DAB1: variants seen among roughly 807,000 people sequenced by gnomAD.
DAB1 encodes the protein disabled homolog 1.
Under a neutral mutation model 64.6 loss-of-function variants are expected in DAB1, and 15 were observed. That is an observed-to-expected ratio of 0.23 (90% CI 0.16 to 0.36). The LOEUF (loss-of-function observed/expected upper bound fraction) is 0.36. Among genes scored for constraint, DAB1 ranks in the 10% least tolerant of loss-of-function variants. DAB1 has a pLI of 1.00. For missense variants in DAB1, 596 were observed against 706.7 expected (o/e 0.84, Z 1.78); for synonymous variants, 235 against 251.9 (o/e 0.93, Z 0.64).
chr1:57,109,319 G>T (rs1655446476), intron 4 of DAB1, among the ~76,000 whole-genome samples: 1 of 152,154 alleles, frequency 6.6e-6, no homozygotes, highest in African/African-American at 2.4e-5. Flanking sequence ...CCCAATTTAT[G>T]ACATGAGTTT....
intron 5 of DAB1, among the ~76,000 whole-genome samples, chr1:57,951,047 G>T (rs769476984): frequency 6.6e-6 from 1 of 152,212 alleles, no homozygotes; most frequent in East Asian, 1.9e-4. Flanking sequence ...ACGCTACTCT[G>T]ATCAGGAGAG....
intron 7 of DAB1, among the ~76,000 whole-genome samples, chr1:57,454,149 G>GT (rs1235055896): frequency 6.6e-6 from 1 of 152,116 alleles, no homozygotes; most frequent in Non-Finnish European, 1.5e-5. Flanking sequence ...ATGACTTATA[G>GT]TGAATGCGGT....
At chr1:57,565,052 C>T (rs1004864544) in intron 7 of DAB1, among the ~76,000 whole-genome samples, 54 of 152,116 alleles carry the variant, frequency 3.5e-4, no homozygotes, top group South Asian at 4.1e-4. Context: ...AAAGGGAAGC[C>T]CATCAGACTA....
chr1:57,023,171 C>G (rs2100377194), intron 11 of DAB1, among the ~76,000 whole-genome samples: 1 of 152,320 alleles, frequency 6.6e-6, no homozygotes, highest in Middle Eastern at 3.4e-3. Flanking sequence ...CTATAGAAAG[C>G]TGACTCCGTG....
intron 3 of DAB1, among the ~76,000 whole-genome samples, chr1:57,143,914 A>ATATGTATATGTATATATATATGTT (rs1286847022): frequency 2.0e-5 from 3 of 151,270 alleles, no homozygotes; most frequent in Non-Finnish European, 4.4e-5. Flanking sequence ...ATGTTTATGT[A>ATATGTATATGTATATATATATGTT]TATGTATATG....
chr1:57,717,878 A>G (rs1468486794), intron 6 of DAB1, among the ~76,000 whole-genome samples: 1 of 152,158 alleles, frequency 6.6e-6, no homozygotes, highest in East Asian at 1.9e-4. Flanking sequence ...ATGCAAAGAA[A>G]GACAAAAATC....
chr1:57,932,581 G>A (rs1386207264), intron 5 of DAB1, among the ~76,000 whole-genome samples: 1 of 151,714 alleles, frequency 6.6e-6, no homozygotes, highest in Non-Finnish European at 1.5e-5. Flanking sequence ...TCTATTTGAA[G>A]TTCTATCAGT....
chr1:57,377,676 A>G (rs1432618282), intron 1 of DAB1, among the ~76,000 whole-genome samples: 1 of 152,164 alleles, frequency 6.6e-6, no homozygotes, highest in Non-Finnish European at 1.5e-5. Flanking sequence ...TAATTACTAC[A>G]TGTCACCTAA....
intron 7 of DAB1, among the ~76,000 whole-genome samples, chr1:57,462,538 T>C (rs758549516): frequency 1.1e-4 from 16 of 152,206 alleles, no homozygotes; most frequent in Non-Finnish European, 1.8e-4. Context: ...TCTTCAAACA[T>C]TGACCTAAGA....
chr1:58,130,667 T>G (rs568630555), intron 5 of DAB1, among the ~76,000 whole-genome samples: 116 of 151,804 alleles, frequency 7.6e-4, no homozygotes, highest in African/African-American at 2.5e-3. Context: ...TGACAAAATC[T>G]CTCAGCATTT....
intron 1 of DAB1, among the ~76,000 whole-genome samples, chr1:57,855,977 A>T (rs542285389): frequency 5.0e-4 from 76 of 152,334 alleles, no homozygotes; most frequent in Admixed American, 4.8e-3. Flanking sequence ...AAGAATCAGA[A>T]TATATTCTAA....
intron 1 of DAB1, among the ~76,000 whole-genome samples, chr1:57,310,252 C>A (rs75735484): frequency 2.6e-5 from 4 of 152,008 alleles, no homozygotes; most frequent in African/African-American, 9.7e-5. Context: ...AAAGGCCATA[C>A]GGAGATGACA....
intron 8 of DAB1, 104 bp downstream of exon 8, chr1:57,069,256 C>T: frequency 1.1e-6 from 1 of 931,036 alleles, no homozygotes; most frequent in Non-Finnish European, 1.7e-6. Flanking sequence ...GGTATTTTAA[C>T]AAGCCAGGAA....
intron 5 of DAB1, among the ~76,000 whole-genome samples, chr1:58,142,356 A>C (rs1279505378): frequency 3.3e-5 from 5 of 152,240 alleles, no homozygotes; most frequent in Non-Finnish European, 7.3e-5. Flanking sequence ...GATTTTTAAA[A>C]AGAGGGTTTC....
intron 4 of DAB1, among the ~76,000 whole-genome samples, chr1:57,121,085 G>A (rs1432703782): frequency 6.7e-6 from 1 of 149,336 alleles, no homozygotes; most frequent in East Asian, 2.0e-4. Flanking sequence ...GGAGAAGAAT[G>A]TCCTAAGCAG....
chr1:57,204,298 T>TA (rs1665355218), intron 2 of DAB1, among the ~76,000 whole-genome samples: 1 of 151,934 alleles, frequency 6.6e-6, no homozygotes, highest in African/African-American at 2.4e-5. Context: ...TCCCCAAATC[T>TA]AAAAAAAGCA....
At chr1:57,221,499 A>T (rs1273195672) in intron 2 of DAB1, among the ~76,000 whole-genome samples, 12 of 152,122 alleles carry the variant, frequency 7.9e-5, no homozygotes, top group African/African-American at 2.9e-4. Context: ...CTTTTACCCA[A>T]ATCTATTTTC....
intron 1 of DAB1, among the ~76,000 whole-genome samples, chr1:57,359,648 T>C (rs1252647515): frequency 6.6e-6 from 1 of 152,010 alleles, no homozygotes; most frequent in Non-Finnish European, 1.5e-5. Flanking sequence ...CCCATGTTTA[T>C]AGCAATACAT....
At position 58,431,558 on chromosome 1, in the gene DAB1, GAAAAAA is replaced by G. The variant is rs66832530; in HGVS notation, n.257+74496_257+74501del. 7.4e-3 allele frequency among the ~76,000 whole-genome samples: 566 copies of G among 76,272 alleles called. 1 individual carries two copies. The highest frequency in any genetic ancestry group is 0.026 in the African/African-American group (528 of 20,040). 50.0% of individuals were successfully genotyped at this position (76,272 alleles called of 152,430 possible). On this transcript the variant is annotated intron_variant and non_coding_transcript_variant, in intron 3 of 20. Transcript: ENST00000485760. ...GGGCAATAGAGCGAGACTCCATCTG[GAAAAAA>G]AAAAAAAAAAAAAAGGGAGAAGAAG...
Sources: allele counts gnomAD v4.1 joint callset (sites outside exome capture counted in the v4.1 genomes callset), GRCh38; gene constraint gnomAD v4.1.1; transcripts MANE v1.5; gene names NCBI Gene and HGNC (gene_info 2026-07-23, HGNC 2026-07-21).